Variants in KCNIP2 observed in about 807,000 individuals in gnomAD.
KCNIP2 encodes the protein A-type potassium channel modulatory protein KCNIP2.
KCNIP2 carries 19 observed loss-of-function variants against 39.0 expected under a neutral mutation model. The observed-to-expected ratio is 0.49, with a 90% confidence interval of 0.34 to 0.71. The LOEUF (loss-of-function observed/expected upper bound fraction) is 0.71, where lower values mean the gene tolerates loss of function less well. Among genes scored for constraint, KCNIP2 ranks in the 30% least tolerant of loss-of-function variants. KCNIP2 has a pLI of 0.01. For missense variants in KCNIP2, 261 were observed against 346.0 expected, an observed-to-expected ratio of 0.75 and a Z score of 1.95; for synonymous variants, 111 against 131.2, an observed-to-expected ratio of 0.85 and a Z score of 1.05.
Position 101,843,529 on chromosome 10 carries a change from G to A in KCNIP2, c.40C>T (p.Arg14Ter). The A allele has an allele frequency of 6.3e-7, 1 of 1,581,756 alleles. No individual in the cohort carries two copies. The highest frequency in any genetic ancestry group is 8.6e-7 in the Non-Finnish European group (1 of 1,165,594). The change falls in exon 1 of 10, where the codon CGA (arginine) becomes TGA (stop). Residue 14 changes from arginine (R) to a stop codon, truncating the protein, a stop_gained. Coordinates refer to ENST00000356640, the MANE Select transcript of KCNIP2 (RefSeq NM_173191.3). LOFTEE classifies it high-confidence loss of function. This position sits in a 1 kb window ranked among gnomAD's most constrained non-coding sequence, Gnocchi z 6.7. Reference protein sequence around the residue: ...QGRKESLSDSRDLDGSYDQLT... With the variant: ...QGRKESLSDS ...TGGTCGTAGGAGCCGTCCAGGTCTC[G>A]GGAATCGGACAAACTCTCCTTGCGG...
At chr10:101,839,634 G>A (rs1242824766) in intron 1 of KCNIP2, 1 of 906,092 alleles carries the variant, frequency 1.1e-6, no homozygotes, top group African/African-American at 1.7e-5. Flanking sequence ...TTTCCTTGGA[G>A]GGATGTTGCT....
chr10:101,840,591 C>T (rs2066303444), intron 1 of KCNIP2, among the ~76,000 whole-genome samples: 1 of 133,856 alleles, frequency 7.5e-6, no homozygotes, highest in Non-Finnish European at 1.5e-5. Flanking sequence ...CTTTCCTGGA[C>T]TCCGGACTCA....
Position 101,826,646 on chromosome 10 carries a change from G to A in KCNIP2, c.*707C>T, listed in dbSNP as rs2065756301. On this transcript the variant is annotated 3_prime_UTR_variant, in exon 10 of 10. Transcript: ENST00000356640. ...GAGATGAGCCAGATATCTGGCCCCA[G>A]GCTCTCCATGGATACCGAGGAGGGT... 1 of 152,264 alleles carries A rather than the reference G, an allele frequency of 6.6e-6. No homozygotes were observed. The highest frequency in any genetic ancestry group is 2.4e-5 in the African/African-American group (1 of 41,424). The allele number at this position is 152,264 out of a possible 1,614,324, so 9.4% of individuals were successfully genotyped here. A position where few individuals can be genotyped will look rare whatever the true frequency, so the allele number is the denominator to read the frequency against.
In KCNIP2 at chr10:101,829,109, T is replaced by C; in HGVS notation, c.314A>G (p.Lys105Arg). ...QLQEQTKFTR[K>R]ELQVLYRGFK... ...GCCCCGGTACAGGACCTGCAACTCC[T>C]TGCGCGTGAATTTGGTTTGCTCCTG... The change falls in exon 4 of 10, where the codon AAG becomes AGG. Residue 105 changes from lysine (K) to arginine (R), a missense_variant. By Grantham distance (26) the Lys-to-Arg change is conservative. Transcript: ENST00000356640. 6.2e-7 allele frequency: 1 copy of C among 1,614,204 alleles called. No individual in the cohort carries two copies. Among genetic ancestry groups the C allele is most frequent in the Non-Finnish European group, 8.5e-7 (1 of 1,180,018 alleles).
intron 1 of KCNIP2, among the ~76,000 whole-genome samples, chr10:101,839,516 C>T (rs932498520): frequency 6.6e-6 from 1 of 151,988 alleles, no homozygotes; most frequent in Non-Finnish European, 1.5e-5. Flanking sequence ...TTGTGAGGGA[C>T]CTTGATGCCC....
At chr10:101,839,830 C>T in intron 1 of KCNIP2, 3 of 1,609,064 alleles carry the variant, frequency 1.9e-6, no homozygotes, top group Non-Finnish European at 2.5e-6. Context: ...CCTGCGGGGG[C>T]ATCGGTTCAT....
chr10:101,837,705 C>G (rs555941216), intron 1 of KCNIP2, among the ~76,000 whole-genome samples: 18 of 152,114 alleles, frequency 1.2e-4, no homozygotes, highest in Non-Finnish European at 2.6e-4. Flanking sequence ...GTTGTTTAAC[C>G]AGAGTCAGTG....
Position 101,828,910 on chromosome 10 carries a change from C to T in KCNIP2, c.348+165G>A. 2 of 1,514,664 alleles carry T rather than the reference C, an allele frequency of 1.3e-6. No homozygotes were observed. 93.8% of individuals were successfully genotyped at this position (1,514,664 alleles called of 1,614,324 possible). On this transcript the variant is annotated intron_variant, in intron 4 of 9. Transcript: ENST00000356640. The surrounding 1 kb of genome is among the most constrained non-coding windows in gnomAD (Gnocchi z 6.6). ...ACTGACAGTCTACAGGCGCCACTTC[C>T]GTTCTGGCCCCGCCCCAGAACCTCC...
At chr10:101,827,799 G>A in intron 8 of KCNIP2, 48 bp from the exon 9 acceptor site, 2 of 1,544,940 alleles carry the variant, frequency 1.3e-6, no homozygotes, top group Non-Finnish European at 1.8e-6. Flanking sequence ...TGGCAAGAGA[G>A]AGGCAGACAG....
In KCNIP2 at chr10:101,829,117, G is replaced by T. The variant is rs2065864969; in HGVS notation, c.306C>A (p.Phe102Leu). ...GLEQLQEQTK[F>L]TRKELQVLYR... Reference sequence around the variant, plus strand: ...ACAGGACCTGCAACTCCTTGCGCGTGAATTTGGTTTGCTCCTGCAGCTGCT... The same window carrying T: ...ACAGGACCTGCAACTCCTTGCGCGTTAATTTGGTTTGCTCCTGCAGCTGCT... Residue 102 changes from phenylalanine to leucine, a missense_variant, in exon 4 of 10, where the codon TTC (phenylalanine) becomes TTA (leucine). By Grantham distance (22) the Phe-to-Leu change is conservative (BLOSUM62 0). Coordinates refer to ENST00000356640, the MANE Select transcript of KCNIP2 (RefSeq NM_173191.3). 1.2e-6 allele frequency: 2 copies of T among 1,614,214 alleles called. No homozygotes were observed. The highest frequency in any genetic ancestry group is 4.5e-5 in the East Asian group (2 of 44,884).
intron 1 of KCNIP2, chr10:101,839,909 C>T: frequency 1.4e-6 from 2 of 1,447,584 alleles, no homozygotes; most frequent in South Asian, 1.4e-5. Context: ...TCCGCCCTCA[C>T]CCGGGTAGGC....
intron 3 of KCNIP2, 81 bp from the exon 4 acceptor site, chr10:101,829,280 C>T (rs949301953): frequency 6.1e-5 from 90 of 1,463,496 alleles, no homozygotes; most frequent in Non-Finnish European, 7.7e-5. Context: ...TTCACCCCCT[C>T]CCCGCCCCCC....
In KCNIP2 at chr10:101,829,891, G is replaced by A; in HGVS notation, c.176C>T (p.Ala59Val). 6.6e-7 allele frequency: 1 copy of A among 1,523,290 alleles called. No homozygotes were observed. Among genetic ancestry groups the A allele is most frequent in the Admixed American group, 2.3e-5 (1 of 43,566 alleles). The allele number at this position is 1,523,290 out of a possible 1,614,324, so 94.4% of individuals were successfully genotyped here. Residue 59 changes from alanine to valine, a missense_variant, in exon 3 of 10, where the codon GCC (alanine) becomes GTC (valine). Transcript: ENST00000356640. ...GTGGGGGCGGAGGGAGGCTGGGGCG[G>A]CTAATGCTGAAGGGAGCGAACTGTC... ...QALPSVSETL[A>V]APASLRPHRP...
At chr10:101,835,828 G>A (rs903526709) in intron 1 of KCNIP2, among the ~76,000 whole-genome samples, 1 of 152,164 alleles carries the variant, frequency 6.6e-6, no homozygotes, top group Non-Finnish European at 1.5e-5. Context: ...TTGTAACACC[G>A]AATTTTCACA....
chr10:101,828,875 A>T lies in KCNIP2; in HGVS notation c.349-179T>A, dbSNP rs755978132. 1 of 1,546,878 alleles carries T rather than the reference A, an allele frequency of 6.5e-7. No homozygotes were observed. The highest frequency in any genetic ancestry group is 8.7e-7 in the Non-Finnish European group (1 of 1,145,492). On this transcript the variant is annotated intron_variant, in intron 4 of 9. Coordinates refer to ENST00000356640, the MANE Select transcript of KCNIP2 (RefSeq NM_173191.3). This position sits in a 1 kb window ranked among gnomAD's most constrained non-coding sequence, Gnocchi z 6.6. ...CTTTCCCAGTGCACAAATAAAAAAC[A>T]TGGAACGAAACTGACAGTCTACAGG...
chr10:101,828,623 T>C lies in KCNIP2; in HGVS notation c.418+4A>G, dbSNP rs749458925. 7 of 1,613,852 alleles carry C rather than the reference T, an allele frequency of 4.3e-6. No homozygotes were observed. The highest frequency in any genetic ancestry group is 5.9e-6 in the Non-Finnish European group (7 of 1,179,802). On this transcript the variant is annotated splice_donor_region_variant and intron_variant, in intron 5 of 9. Transcript: ENST00000356640. This position sits in a 1 kb window ranked among gnomAD's most constrained non-coding sequence, Gnocchi z 6.6. Reference sequence around the variant, plus strand: ...CTGCTTCCCCTTGGGCCTTGTCCCCTCACCTCCTTGAGGAAAGAACTGGGA... The same window carrying C: ...CTGCTTCCCCTTGGGCCTTGTCCCCCCACCTCCTTGAGGAAAGAACTGGGA...
intron 1 of KCNIP2, among the ~76,000 whole-genome samples, chr10:101,832,843 C>G (rs1385148088): frequency 6.6e-6 from 1 of 152,140 alleles, no homozygotes. Context: ...GCCCAAGACT[C>G]CTGGGATTTC....
chr10:101,840,161 GA>G (rs1162700318), intron 1 of KCNIP2, among the ~76,000 whole-genome samples: 1 of 151,990 alleles, frequency 6.6e-6, no homozygotes. Flanking sequence ...TGGGTTTTGA[GA>G]AAAGAGCTGG....
chr10:101,839,771 TC>T, intron 1 of KCNIP2: 1 of 1,612,860 alleles, frequency 6.2e-7, no homozygotes, highest in East Asian at 2.2e-5. Flanking sequence ...AGCGACCCAG[TC>T]ACCAGCTGGT....
Sources: allele counts gnomAD v4.1 joint callset (sites outside exome capture counted in the v4.1 genomes callset), GRCh38; gene constraint gnomAD v4.1.1; non-coding constraint Gnocchi (gnomAD v3.1); transcripts MANE v1.5; gene names NCBI Gene and HGNC (gene_info 2026-07-23, HGNC 2026-07-21).